Variants in CEP85L observed in about 807,000 individuals in gnomAD.
CEP85L encodes centrosomal protein of 85 kDa-like.
In CEP85L, 60 loss-of-function variants were observed where a neutral mutation model predicts 100.3. That is an observed-to-expected ratio of 0.60 (90% CI 0.49 to 0.74). The LOEUF is 0.74. Ranked by LOEUF, CEP85L falls within the 30% of genes least tolerant of loss-of-function variation. The pLI is 0.00. For synonymous variants in CEP85L, 319 were observed against 322.7 expected, an observed-to-expected ratio of 0.99 and a Z score of 0.12; for missense variants, 973 against 936.2, an observed-to-expected ratio of 1.04 and a Z score of -0.51.
intron 3 of CEP85L, among the ~76,000 whole-genome samples, chr6:118,550,455 G>A (rs1034012316): frequency 6.6e-6 from 1 of 151,768 alleles, no homozygotes; most frequent in Non-Finnish European, 1.5e-5. Flanking sequence ...TCCCAGAAAT[G>A]AGGAGGGCCA....
chr6:118,473,519 G>A (rs755675413), intron 10 of CEP85L, among the ~76,000 whole-genome samples: 1 of 151,972 alleles, frequency 6.6e-6, no homozygotes, highest in Non-Finnish European at 1.5e-5. Flanking sequence ...AGAACAGATT[G>A]TATAGGGCCT....
At chr6:118,568,015 C>A (rs1339409050) in intron 2 of CEP85L, among the ~76,000 whole-genome samples, 1 of 152,158 alleles carries the variant, frequency 6.6e-6, no homozygotes, top group Non-Finnish European at 1.5e-5. Context: ...TCCCAGTACA[C>A]CCTGAAACTA....
chr6:118,677,237 A>G (rs1174441776), intron 1 of CEP85L, among the ~76,000 whole-genome samples: 2 of 152,224 alleles, frequency 1.3e-5, no homozygotes, highest in African/African-American at 2.4e-5. Flanking sequence ...TAATCAAAAG[A>G]TATGAGCCAG....
chr6:118,632,433 C>A lies in CEP85L; in HGVS notation c.232+20G>T, dbSNP rs1562325244. The A allele has an allele frequency of 6.4e-6, 10 of 1,568,264 alleles. No homozygotes were observed. The East Asian group carries it at 2.3e-4, about 36-fold the overall frequency. ...CACTCTTCAAAGATTCATATATAAA[C>A]AATAAGAATTTTAGCTCACCTTCCA... On this transcript the variant is annotated intron_variant, in intron 2 of 12. Transcript: ENST00000368491.
chr6:118,474,582 G>C (rs1174152584), intron 10 of CEP85L, among the ~76,000 whole-genome samples: 1 of 152,162 alleles, frequency 6.6e-6, no homozygotes, highest in African/African-American at 2.4e-5. Context: ...CGCTGGGAGA[G>C]GCAAGTCAAA....
intron 2 of CEP85L, among the ~76,000 whole-genome samples, chr6:118,627,866 G>C (rs1773904019): frequency 6.6e-6 from 1 of 152,204 alleles, no homozygotes; most frequent in Admixed American, 6.5e-5. Flanking sequence ...CCTTGGGGAA[G>C]AGAAATAACC....
chr6:118,610,460 G>A (rs1772534811), intron 2 of CEP85L, among the ~76,000 whole-genome samples: 1 of 152,146 alleles, frequency 6.6e-6, no homozygotes, highest in African/African-American at 2.4e-5. Context: ...TATCAGAGGA[G>A]GCCTGGTAGA....
intron 7 of CEP85L, among the ~76,000 whole-genome samples, chr6:118,482,476 A>G (rs1773860351): frequency 6.6e-6 from 1 of 152,142 alleles, no homozygotes; most frequent in African/African-American, 2.4e-5. Context: ...TGACTAGCTT[A>G]TTTCACTTCA....
chr6:118,666,510 G>T (rs1170109112), intron 1 of CEP85L, among the ~76,000 whole-genome samples: 2 of 152,120 alleles, frequency 1.3e-5, no homozygotes, highest in Admixed American at 6.6e-5. Flanking sequence ...AACATGTCTG[G>T]CTCTGTTCTA....
chr6:118,498,554 G>GT (rs1775068151), intron 5 of CEP85L, among the ~76,000 whole-genome samples: 1 of 140,474 alleles, frequency 7.1e-6, no homozygotes, highest in African/African-American at 2.6e-5. Flanking sequence ...GAGCCCAGGA[G>GT]TTTGAGACCA....
chr6:118,498,887 A>AT (rs1362677392), intron 5 of CEP85L, among the ~76,000 whole-genome samples: 14 of 152,228 alleles, frequency 9.2e-5, no homozygotes, highest in Admixed American at 8.5e-4. Context: ...CCTTAAAAAG[A>AT]TAAAAAATCA....
intron 5 of CEP85L, among the ~76,000 whole-genome samples, chr6:118,503,375 C>CTA (rs1775431530): frequency 6.6e-6 from 1 of 152,096 alleles, no homozygotes; most frequent in South Asian, 2.1e-4. Flanking sequence ...CCAATTTGAT[C>CTA]TATAGATTCA....
At chr6:118,678,059 G>A (rs1776536706) in intron 1 of CEP85L, among the ~76,000 whole-genome samples, 1 of 152,150 alleles carries the variant, frequency 6.6e-6, no homozygotes, top group African/African-American at 2.4e-5. Flanking sequence ...TGGCATTCAA[G>A]GACACTTCAT....
chr6:118,508,583 G>C (rs908114742), intron 5 of CEP85L, among the ~76,000 whole-genome samples: 3 of 152,180 alleles, frequency 2.0e-5, no homozygotes, highest in Non-Finnish European at 4.4e-5. Flanking sequence ...ATGAGACTGA[G>C]TGATATCTAC....
intron 1 of CEP85L, among the ~76,000 whole-genome samples, chr6:118,689,634 A>G (rs972081827): frequency 3.3e-5 from 5 of 152,238 alleles, no homozygotes; most frequent in Non-Finnish European, 1.5e-5. Context: ...CCTCTTCATT[A>G]CTAAACCAAC....
At chr6:118,584,145 T>C (rs1199000867) in intron 2 of CEP85L, among the ~76,000 whole-genome samples, 1 of 152,206 alleles carries the variant, frequency 6.6e-6, no homozygotes, top group East Asian at 1.9e-4. Flanking sequence ...GTTGATGATA[T>C]TCTGCTATGT....
intron 2 of CEP85L, among the ~76,000 whole-genome samples, chr6:118,581,041 T>C (rs1476376953): frequency 1.3e-5 from 2 of 152,162 alleles, no homozygotes; most frequent in East Asian, 3.9e-4. Context: ...ATCCTCTACA[T>C]GAGGCACTTT....
intron 2 of CEP85L, among the ~76,000 whole-genome samples, chr6:118,598,399 T>C (rs1193596613): frequency 6.6e-6 from 1 of 152,232 alleles, no homozygotes; most frequent in African/African-American, 2.4e-5. Context: ...AAGCTGTGAA[T>C]GTGACCTTAT....
intron 1 of CEP85L, among the ~76,000 whole-genome samples, chr6:118,633,058 A>AT (rs138238916): frequency 3.8e-4 from 58 of 152,040 alleles, no homozygotes; most frequent in Non-Finnish European, 2.9e-5. Context: ...AAAACAATCC[A>AT]TTTTTTTCTG....
Sources: gnomAD v4.1 joint callset for allele counts (sites outside exome capture counted in the v4.1 genomes callset) on GRCh38, gnomAD v4.1.1 for gene constraint, MANE v1.5 for transcripts, NCBI Gene and HGNC (gene_info 2026-07-23, HGNC 2026-07-21) for gene names.